Variants in ACR observed in about 807,000 individuals in gnomAD.
ACR encodes the protein acrosin.
In ACR, 17 loss-of-function variants were observed where a neutral mutation model predicts 26.0. That is an observed-to-expected ratio of 0.65 (90% CI 0.45 to 0.98). The LOEUF (loss-of-function observed/expected upper bound fraction) is 0.98, where lower values mean the gene tolerates loss of function less well. ACR is among the 50% of genes least tolerant of loss of function. The probability of loss-of-function intolerance (pLI) is 0.00; values close to 1 mark genes in which losing one functional copy is unlikely to be tolerated. For synonymous variants in ACR, 199 were observed against 207.7 expected (o/e 0.96, Z 0.36); for missense variants, 435 against 519.3 (o/e 0.84, Z 1.58).
rs1325328691 is a variant in ACR at position 50,744,101 on chromosome 22, T to C, written c.606T>C (p.Asp202=). The C allele has an allele frequency of 6.2e-7, 1 of 1,613,584 alleles. No homozygotes were observed. Among genetic ancestry groups the C allele is most frequent in the East Asian group, 2.2e-5 (1 of 44,880 alleles). Residue 202 remains aspartate (D), a synonymous_variant, in exon 4 of 5, where the codon GAT becomes GAC. Transcript: ENST00000216139. The part of the protein sequence containing the change: ...PSSILMEARV[D]LIDLDLCNST... ...CTATACTGATGGAGGCACGTGTGGATCTCATCGACCTGGACTTGTGTAACT... is the reference window on the plus strand; with the variant it reads ...CTATACTGATGGAGGCACGTGTGGACCTCATCGACCTGGACTTGTGTAACT...
At chr22:50,742,842 G>A (rs527816556) in intron 3 of ACR, among the ~76,000 whole-genome samples, 11 of 152,284 alleles carry the variant, frequency 7.2e-5, no homozygotes, top group African/African-American at 2.2e-4. Flanking sequence ...ACCTCAGTCT[G>A]CTCCCATCTG....
chr22:50,741,831 T>G (rs1407579357), intron 3 of ACR, among the ~76,000 whole-genome samples: 1 of 151,292 alleles, frequency 6.6e-6, no homozygotes, highest in Non-Finnish European at 1.5e-5. Flanking sequence ...AAGCATTTGT[T>G]ATTTAAAGCC....
chr22:50,742,721 G>A (rs977200702), intron 3 of ACR, among the ~76,000 whole-genome samples: 3 of 152,166 alleles, frequency 2.0e-5, no homozygotes, highest in African/African-American at 7.2e-5. Flanking sequence ...GCGAGCACTC[G>A]TTCAGCAGCC....
chr22:50,744,058 T>C lies in ACR; in HGVS notation c.566-3T>C, dbSNP rs767101826. 1.6e-5 allele frequency: 26 copies of C among 1,592,762 alleles called. No homozygotes were observed. The East Asian group carries it at 3.1e-4, about 19-fold the overall frequency. Reference sequence around the variant, plus strand: ...CACTGACCACCGAGTGGTCTGACTATAGCCCCCAGGCCATCATCTATACTG... The same window carrying C: ...CACTGACCACCGAGTGGTCTGACTACAGCCCCCAGGCCATCATCTATACTG... On this transcript the variant is annotated splice_region_variant and splice_polypyrimidine_tract_variant and intron_variant, in intron 3 of 4. Transcript: ENST00000216139.
rs1205868236 is a variant in ACR at position 50,744,156 on chromosome 22, C to T, written c.661C>T (p.Pro221Ser). Residue 221 changes from proline (P) to serine (S), a missense_variant, in exon 4 of 5, where the codon CCA (proline) becomes TCA (serine). Physicochemically the swap from Pro to Ser is moderately conservative, Grantham distance 74. Transcript: ENST00000216139. ...CCAGTGGTACAATGGGCGCGTTCAG[C>T]CAACCAATGTGTGCGCGGGGTATCC... is the stretch of plus-strand genomic sequence containing the variant. Reference protein sequence around the residue: ...STQWYNGRVQPTNVCAGYPVG... With the variant: ...STQWYNGRVQSTNVCAGYPVG... The T allele has an allele frequency of 9.3e-6, 15 of 1,613,772 alleles. No individual in the cohort carries two copies. The highest frequency in any genetic ancestry group is 5.0e-5 in the Admixed American group (3 of 59,988).
At position 50,745,298 on chromosome 22, in the gene ACR, T is replaced by TAC. The variant is rs1335192267; in HGVS notation, c.*101_*102dup. ...ATAAATAAACATATATATATAGATA[T>TAC]ACACACACACATATCTGTATGTATA... On this transcript the variant is annotated 3_prime_UTR_variant, in exon 5 of 5. Transcript: ENST00000216139. 1.2e-5 allele frequency: 14 copies of TAC among 1,136,476 alleles called. No homozygotes were observed. Among genetic ancestry groups the TAC allele is most frequent in the East Asian group, 2.8e-5 (1 of 35,152 alleles). The allele number at this position is 1,136,476 out of a possible 1,614,324, so 70.4% of individuals were successfully genotyped here.
At chr22:50,741,260 G>A (rs1228229811) in intron 3 of ACR, among the ~76,000 whole-genome samples, 1 of 152,162 alleles carries the variant, frequency 6.6e-6, no homozygotes. Context: ...TGTCCCTCAG[G>A]GAAGGGAGTC....
chr22:50,739,918 G>A lies in ACR; in HGVS notation c.506G>A (p.Gly169Asp), dbSNP rs753102410. Residue 169 changes from glycine (G) to aspartate (D), a missense_variant, in exon 3 of 5, where the codon GGC (glycine) becomes GAC (aspartate). Transcript: ENST00000216139. This position sits in a 1 kb window ranked among gnomAD's most constrained non-coding sequence, Gnocchi z 5.5. Reference protein sequence around the residue: ...GPGCLPHFKAGLPRGSQSCWV... With the variant: ...GPGCLPHFKADLPRGSQSCWV... Reference sequence around the variant, plus strand: ...GGCTGCCTGCCCCACTTTAAGGCAGGCCTCCCCAGAGGCTCCCAGAGCTGC... The same window carrying A: ...GGCTGCCTGCCCCACTTTAAGGCAGACCTCCCCAGAGGCTCCCAGAGCTGC... 89 of 1,613,786 alleles carry A rather than the reference G, an allele frequency of 5.5e-5. No individual in the cohort carries two copies. Among genetic ancestry groups the A allele is most frequent in the Non-Finnish European group, 7.4e-5 (87 of 1,179,986 alleles).
rs1322473939 is a variant in ACR, at chr22:50,739,473, A to G, written c.280A>G (p.Asn94Asp). ...LTAAHCFVGK[N>D]NVHDWRLVFG... ...TGCTGCTCACTGCTTCGTCGGCAAA[A>G]AGTACGTGTAGGGATGCACTGAGGG... is the stretch of plus-strand genomic sequence containing the variant. Residue 94 changes from asparagine to aspartate, a missense_variant and splice_region_variant, in exon 2 of 5, where the codon AAT becomes GAT. Transcript: ENST00000216139. The surrounding 1 kb of genome is among the most constrained non-coding windows in gnomAD (Gnocchi z 5.5). 4 of 1,614,132 alleles carry G rather than the reference A, an allele frequency of 2.5e-6. 1 individual carries two copies. The South Asian group carries it at 4.4e-5, about 18-fold the overall frequency.
chr22:50,744,605 G>A, intron 4 of ACR, 48 bp from the exon 5 acceptor site: 1 of 1,569,388 alleles, frequency 6.4e-7, no homozygotes, highest in Non-Finnish European at 8.6e-7. Context: ...CTCTGGGCAG[G>A]GGAAGAGTGG....
intron 1 of ACR, 68 bp downstream of exon 1, chr22:50,738,380 G>A: frequency 6.7e-7 from 1 of 1,500,166 alleles, no homozygotes; most frequent in Non-Finnish European, 9.2e-7. Flanking sequence ...GACTCCCTCT[G>A]TCCAGGGCTA....
intron 4 of ACR, 183 bp from the exon 5 acceptor site, chr22:50,744,470 C>G (rs1481604697): frequency 2.1e-6 from 2 of 952,692 alleles, no homozygotes; most frequent in Admixed American, 5.8e-5. Context: ...CCTGACAATT[C>G]ACACCCTCCT....
intron 3 of ACR, 91 bp downstream of exon 3, chr22:50,740,068 A>G (rs2083418286): frequency 6.5e-7 from 1 of 1,547,014 alleles, no homozygotes; most frequent in Non-Finnish European, 8.8e-7. Flanking sequence ...ACACCCAGCC[A>G]GGCTGCTTTC....
Position 50,744,863 on chromosome 22 carries a change from C to T in ACR, c.922C>T (p.Arg308Ter), listed in dbSNP as rs372608841. The T allele has an allele frequency of 3.8e-6, 6 of 1,597,516 alleles. No homozygotes were observed. The highest frequency in any genetic ancestry group is 2.3e-5 in the East Asian group (1 of 43,650). The change falls in exon 5 of 5, where the codon CGA becomes TGA. Residue 308 changes from arginine (R) to a stop codon, truncating the protein, a stop_gained. Transcript: ENST00000216139. LOFTEE classifies it low-confidence loss of function (END_TRUNC). ...GGCCACCCCTCCACCTCCCACCACT[C>T]GACCGCCCCCGATTCGACCCCCCTT... ...QSATPPPPTT[R>*]PPPIRPPFSH...
chr22:50,743,936 G>T (rs2083437840), intron 3 of ACR, 125 bp from the exon 4 acceptor site: 8 of 781,620 alleles, frequency 1.0e-5, no homozygotes, highest in Non-Finnish European at 1.7e-5. Flanking sequence ...AGGGGTCGGG[G>T]CATCGACTGG....
chr22:50,738,294 A>G lies in ACR; in HGVS notation c.59A>G (p.Lys20Arg). The G allele has an allele frequency of 6.2e-7, 1 of 1,613,922 alleles. No homozygotes were observed. Among genetic ancestry groups the G allele is most frequent in the Non-Finnish European group, 8.5e-7 (1 of 1,179,900 alleles). Residue 20 changes from lysine to arginine, a missense_variant, in exon 1 of 5, where the codon AAA becomes AGA. By Grantham distance (26) the Lys-to-Arg change is conservative. Around this residue, in one of 3 missense-constraint regions of ACR, gnomAD observed 314 missense variants for 372.0 expected, o/e 0.84. Transcript: ENST00000216139. ...LLVLAVSVVA[K>R]DNATCDGPCG... The stretch of plus-strand genomic sequence containing the variant: ...GTCTTGGCAGTGTCCGTGGTTGCTA[A>G]AGATAACGCCACGTGTGAGTAAGTG...
intron 3 of ACR, chr22:50,740,626 C>T (rs750250410): frequency 8.1e-5 from 57 of 702,448 alleles, no homozygotes; most frequent in Admixed American, 6.0e-5. Flanking sequence ...TTCAGGCTTC[C>T]TGGAGTGTCC....
chr22:50,739,250 T>G lies in ACR; in HGVS notation c.78-21T>G. The G allele has an allele frequency of 6.4e-7, 1 of 1,551,108 alleles. No individual in the cohort carries two copies. Among genetic ancestry groups the G allele is most frequent in the South Asian group, 1.2e-5 (1 of 84,300 alleles). On this transcript the variant is annotated intron_variant, in intron 1 of 4. Transcript: ENST00000216139. This position sits in a 1 kb window ranked among gnomAD's most constrained non-coding sequence, Gnocchi z 5.5. ...GGCTGTGCTCATGCCAGGTTTGAACTGTGCTCTGGTCTCTCCCCAGTGGCC... is the reference window on the plus strand; with the variant it reads ...GGCTGTGCTCATGCCAGGTTTGAACGGTGCTCTGGTCTCTCCCCAGTGGCC...
intron 3 of ACR, among the ~76,000 whole-genome samples, chr22:50,743,235 C>T (rs1569124629): frequency 6.6e-6 from 1 of 151,958 alleles, no homozygotes. Flanking sequence ...CGGGGTTTCA[C>T]CGTGTTAGCC....
Sources: allele counts gnomAD v4.1 joint callset (sites outside exome capture counted in the v4.1 genomes callset), GRCh38; gene constraint gnomAD v4.1.1; regional missense constraint gnomAD v4.1.1; non-coding constraint Gnocchi (gnomAD v3.1); transcripts MANE v1.5; gene names NCBI Gene and HGNC (gene_info 2026-07-23, HGNC 2026-07-21).